TET2: variants seen among roughly 807,000 people sequenced by gnomAD.
TET2 encodes tet methylcytosine dioxygenase 2, also known as methylcytosine dioxygenase TET2.
In TET2, 299 loss-of-function variants were observed where a neutral mutation model predicts 142.9. That is an observed-to-expected ratio of 2.09 (90% CI 1.90 to 2.30). The LOEUF (loss-of-function observed/expected upper bound fraction) is 2.30. TET2 is among the 30% of genes most tolerant of loss of function. The pLI is 0.00. For synonymous variants in TET2, 819 were observed against 849.0 expected (o/e 0.96, Z 0.61); for missense variants, 2,418 against 2,378.0 (o/e 1.02, Z -0.35).
At chr4:105,168,226 GT>G (rs1724265846) in intron 1 of TET2, among the ~76,000 whole-genome samples, 2 of 152,072 alleles carry the variant, frequency 1.3e-5, no homozygotes. Flanking sequence ...ATGGGTCTCT[GT>G]TTCACTCAGA....
At chr4:105,273,309 A>G (rs748039696) in intron 10 of TET2, among the ~76,000 whole-genome samples, 32 of 152,254 alleles carry the variant, frequency 2.1e-4, no homozygotes, top group Admixed American at 5.2e-4. Flanking sequence ...TGGTAATGAG[A>G]TATTGCACCA....
At chr4:105,193,942 G>T (rs921184598) in intron 2 of TET2, among the ~76,000 whole-genome samples, 1 of 152,130 alleles carries the variant, frequency 6.6e-6, no homozygotes, top group Non-Finnish European at 1.5e-5. Context: ...ATAAGTTGGA[G>T]AGACAGAGAA....
chr4:105,226,458 C>G (rs886833760), intron 2 of TET2, among the ~76,000 whole-genome samples: 2 of 152,078 alleles, frequency 1.3e-5, no homozygotes, highest in Non-Finnish European at 2.9e-5. Context: ...GAAATATAAT[C>G]CCCAGTGTTG....
chr4:105,238,328 C>T (rs894447621), intron 3 of TET2: 1 of 237,984 alleles, frequency 4.2e-6, no homozygotes, highest in Non-Finnish European at 8.9e-6. Context: ...AATAAGACAA[C>T]AGTGAAGTGC....
intron 6 of TET2, among the ~76,000 whole-genome samples, chr4:105,245,576 C>T (rs963046316): frequency 6.6e-6 from 1 of 152,114 alleles, no homozygotes; most frequent in Non-Finnish European, 1.5e-5. Context: ...GTGATCCGCC[C>T]GCCTCGGCCT....
intron 3 of TET2, chr4:105,239,676 A>G: frequency 4.2e-6 from 1 of 235,560 alleles, no homozygotes; most frequent in East Asian, 6.3e-5. Flanking sequence ...TATCAGCAAT[A>G]AGGCCGTTTT....
chr4:105,212,377 T>C (rs892586233), intron 2 of TET2, among the ~76,000 whole-genome samples: 2 of 152,176 alleles, frequency 1.3e-5, no homozygotes, highest in Admixed American at 6.5e-5. Context: ...AATAATAAGC[T>C]CATGTTAGTT....
rs1410118709 is a variant in TET2, at chr4:105,234,755, A to G, written c.813A>G (p.Ser271=). The change falls in exon 3 of 11, where the codon TCA becomes TCG. Residue 271 remains serine (S), a synonymous_variant. Transcript: ENST00000380013. ...AGATCACTCACCCATCGCATACCTCAGGGCAGATCAATTCCGCACAGACCT... is the reference window on the plus strand; with the variant it reads ...AGATCACTCACCCATCGCATACCTCGGGGCAGATCAATTCCGCACAGACCT... The part of the protein sequence containing the change: ...SCEITHPSHT[S]GQINSAQTSN... 6.2e-7 allele frequency: 1 copy of G among 1,614,026 alleles called. No homozygotes were observed.
chr4:105,181,710 G>T (rs1725132473), intron 1 of TET2, among the ~76,000 whole-genome samples: 1 of 152,168 alleles, frequency 6.6e-6, no homozygotes. Context: ...AGTAGCAATA[G>T]TGTAGCCCCT....
chr4:105,232,175 T>TG (rs1239920987), intron 2 of TET2, among the ~76,000 whole-genome samples: 7 of 152,174 alleles, frequency 4.6e-5, no homozygotes, highest in Non-Finnish European at 1.0e-4. Flanking sequence ...GCTCCATCCA[T>TG]GTTGCTGCAC....
intron 1 of TET2, among the ~76,000 whole-genome samples, chr4:105,159,759 T>TA: frequency 6.6e-6 from 1 of 152,320 alleles, no homozygotes; most frequent in East Asian, 1.9e-4. Flanking sequence ...CTCACGCCTG[T>TA]AATCCCGGCA....
At chr4:105,185,465 A>G (rs1725372573) in intron 1 of TET2, among the ~76,000 whole-genome samples, 1 of 152,210 alleles carries the variant, frequency 6.6e-6, no homozygotes, top group Non-Finnish European at 1.5e-5. Context: ...AATATTGCAG[A>G]TAAAGTAGAT....
intron 2 of TET2, among the ~76,000 whole-genome samples, chr4:105,223,967 A>G (rs1560533643): frequency 1.3e-5 from 2 of 152,156 alleles, no homozygotes; most frequent in Admixed American, 1.3e-4. Flanking sequence ...ATGATGGTAG[A>G]GTAATTTATA....
intron 3 of TET2, chr4:105,241,127 T>TA: frequency 8.7e-7 from 1 of 1,149,676 alleles, no homozygotes; most frequent in Non-Finnish European, 1.1e-6. Flanking sequence ...ATGTAATATA[T>TA]TTTTATCCAA....
chr4:105,206,021 C>T (rs1726802117), intron 2 of TET2, among the ~76,000 whole-genome samples: 1 of 152,154 alleles, frequency 6.6e-6, no homozygotes, highest in African/African-American at 2.4e-5. Flanking sequence ...TCAGGTCATG[C>T]CCACCCCACA....
chr4:105,237,692 A>G, intron 3 of TET2: 1 of 1,316,096 alleles, frequency 7.6e-7, no homozygotes, highest in Non-Finnish European at 9.8e-7. Flanking sequence ...CTAGGCAGCA[A>G]AAAAACAATC....
chr4:105,270,674 T>TTATATATA lies in TET2; in HGVS notation c.4182+945_4182+952dup, dbSNP rs3055846. ...GTGGTGAGGGGAAAATAGATACATGTTATATATATATATATATATATATAT... is the reference window on the plus strand; with the variant it reads ...GTGGTGAGGGGAAAATAGATACATGTTATATATATATATATATATATATATATATATAT... On this transcript the variant is annotated intron_variant, in intron 9 of 10. Coordinates refer to ENST00000380013, the MANE Select transcript of TET2 (RefSeq NM_001127208.3). Among the ~76,000 whole-genome samples the TTATATATA allele has an allele frequency of 1.7e-4, 25 of 149,450 alleles. No individual in the cohort carries two copies. The South Asian group carries it at 1.7e-3, about 10-fold the overall frequency.
intron 2 of TET2, among the ~76,000 whole-genome samples, chr4:105,191,942 G>A (rs1023962559): frequency 1.1e-4 from 17 of 152,068 alleles, no homozygotes; most frequent in Non-Finnish European, 2.4e-4. Flanking sequence ...CCCCTCTCAT[G>A]CTGGAAAATC....
intron 1 of TET2, among the ~76,000 whole-genome samples, chr4:105,185,848 G>T (rs549011981): frequency 6.6e-6 from 1 of 152,240 alleles, no homozygotes; most frequent in East Asian, 1.9e-4. Flanking sequence ...CTTCAATTTA[G>T]GGAACAAAGG....
Sources: allele counts gnomAD v4.1 joint callset (sites outside exome capture counted in the v4.1 genomes callset), GRCh38; gene constraint gnomAD v4.1.1; transcripts MANE v1.5; gene names NCBI Gene and HGNC (gene_info 2026-07-23, HGNC 2026-07-21).